The following PALM2AKAP2 variants were observed in gnomAD, a reference collection of about 807,000 sequenced individuals.
PALM2AKAP2 encodes PALM2 and AKAP2 fusion.
A neutral mutation model predicts 71.5 loss-of-function variants in PALM2AKAP2; 37 were observed. The observed-to-expected ratio is 0.52, with a 90% CI of 0.40 to 0.68. The LOEUF (loss-of-function observed/expected upper bound fraction) is 0.68. PALM2AKAP2 is among the 30% of genes least tolerant of loss of function. PALM2AKAP2 has a pLI of 0.00. For missense variants in PALM2AKAP2, 1,224 were observed against 1,191.8 expected, an observed-to-expected ratio of 1.03 and a Z score of -0.40; for synonymous variants, 468 against 478.8, an observed-to-expected ratio of 0.98 and a Z score of 0.29.
intron 1 of PALM2AKAP2, among the ~76,000 whole-genome samples, chr9:109,724,670 C>A (rs1262707548): frequency 2.0e-5 from 3 of 152,170 alleles, no homozygotes; most frequent in African/African-American, 7.2e-5. Context: ...ATTTTATTCT[C>A]ATAAAACCCT....
intron 2 of PALM2AKAP2, 133 bp from the exon 3 acceptor site, chr9:109,880,418 T>C (rs933664402): frequency 1.8e-5 from 24 of 1,319,800 alleles, no homozygotes; most frequent in Non-Finnish European, 2.4e-5. Flanking sequence ...GGAGCCATGT[T>C]AGTGAGGAGG....
intron 1 of PALM2AKAP2, among the ~76,000 whole-genome samples, chr9:109,711,666 A>G (rs1054523223): frequency 3.7e-4 from 56 of 152,340 alleles, no homozygotes; most frequent in African/African-American, 1.3e-3. Context: ...CAGGAGAGAG[A>G]AAAGGTGGCA....
At chr9:109,686,601 C>A (rs1352252092) in intron 1 of PALM2AKAP2, among the ~76,000 whole-genome samples, 4 of 151,460 alleles carry the variant, frequency 2.6e-5, no homozygotes, top group Admixed American at 2.6e-4. Context: ...GCCATCCAGG[C>A]TTTGTTGTTC....
intron 1 of PALM2AKAP2, among the ~76,000 whole-genome samples, chr9:109,817,862 T>C (rs895483535): frequency 2.0e-5 from 3 of 152,226 alleles, no homozygotes; most frequent in African/African-American, 7.2e-5. Flanking sequence ...TGTTGAAATA[T>C]CAGTTCACTC....
intron 1 of PALM2AKAP2, among the ~76,000 whole-genome samples, chr9:109,651,831 C>T (rs1010348712): frequency 6.6e-6 from 1 of 152,082 alleles, no homozygotes; most frequent in African/African-American, 2.4e-5. Context: ...AGAGGGAAGA[C>T]CAATCTCAGT....
At chr9:109,940,374 A>T (rs2132033970) in intron 6 of PALM2AKAP2, among the ~76,000 whole-genome samples, 1 of 152,332 alleles carries the variant, frequency 6.6e-6, no homozygotes, top group East Asian at 1.9e-4. Context: ...GGATCAAAGA[A>T]AGCTTATGGA....
chr9:109,752,041 A>G (rs545226922), intron 1 of PALM2AKAP2, among the ~76,000 whole-genome samples: 2 of 152,242 alleles, frequency 1.3e-5, no homozygotes, highest in South Asian at 4.1e-4. Context: ...CCTTTCATGT[A>G]TTCATTTGTT....
intron 7 of PALM2AKAP2, among the ~76,000 whole-genome samples, chr9:110,023,292 C>T (rs1364116575): frequency 2.9e-5 from 4 of 136,456 alleles, no homozygotes; most frequent in Admixed American, 1.5e-4. Context: ...GAGATGGTAT[C>T]TCATTGTGGT....
chr9:109,796,955 G>A (rs895459329), intron 1 of PALM2AKAP2, among the ~76,000 whole-genome samples: 1 of 152,162 alleles, frequency 6.6e-6, no homozygotes, highest in Non-Finnish European at 1.5e-5. Flanking sequence ...ACTGAAGGCG[G>A]TGCTAAATGT....
At chr9:109,657,599 T>C (rs940468248) in intron 1 of PALM2AKAP2, among the ~76,000 whole-genome samples, 3 of 152,030 alleles carry the variant, frequency 2.0e-5, no homozygotes, top group Non-Finnish European at 2.9e-5. Context: ...CCATACTGTG[T>C]AAACACATTT....
At chr9:110,081,674 C>G (rs1261842842) in intron 1 of PALM2AKAP2, among the ~76,000 whole-genome samples, 1 of 152,128 alleles carries the variant, frequency 6.6e-6, no homozygotes, top group African/African-American at 2.4e-5. Context: ...GCCACCAGGC[C>G]TCATGCTCCA....
chr9:109,833,828 C>A (rs993766063), intron 1 of PALM2AKAP2, among the ~76,000 whole-genome samples: 1 of 152,190 alleles, frequency 6.6e-6, no homozygotes, highest in Non-Finnish European at 1.5e-5. Context: ...AAGTTGAGAG[C>A]CTCTGTCCGG....
chr9:110,025,255 T>G (rs1833154759), intron 7 of PALM2AKAP2: 1 of 1,152,844 alleles, frequency 8.7e-7, no homozygotes, highest in African/African-American at 1.5e-5. Context: ...ATCACCTTTC[T>G]TATAGATTCG....
intron 1 of PALM2AKAP2, among the ~76,000 whole-genome samples, chr9:109,768,035 A>AGGGAGGAGGGAGC (rs1564140546): frequency 3.9e-5 from 4 of 102,954 alleles, no homozygotes; most frequent in Non-Finnish European, 5.4e-5. Context: ...GAAGGAAAGA[A>AGGGAGGAGGGAGC]AAAGAGGGAA....
intron 3 of PALM2AKAP2, among the ~76,000 whole-genome samples, chr9:109,910,663 G>A (rs989302946): frequency 2.0e-5 from 3 of 152,210 alleles, no homozygotes; most frequent in African/African-American, 7.2e-5. Context: ...TTGACTAGGA[G>A]CAGACGCAGC....
chr9:109,690,436 C>T (rs1827866048), intron 1 of PALM2AKAP2, among the ~76,000 whole-genome samples: 1 of 152,154 alleles, frequency 6.6e-6, no homozygotes, highest in Non-Finnish European at 1.5e-5. Flanking sequence ...GTTCTCTGCT[C>T]CAAATTTATG....
intron 1 of PALM2AKAP2, among the ~76,000 whole-genome samples, chr9:109,794,110 A>AG (rs1827186096): frequency 6.6e-6 from 1 of 152,160 alleles, no homozygotes; most frequent in African/African-American, 2.4e-5. Context: ...CAGAACAATA[A>AG]AGCATCTCAG....
intron 1 of PALM2AKAP2, among the ~76,000 whole-genome samples, chr9:109,698,750 T>G (rs1008342916): frequency 6.6e-6 from 1 of 152,182 alleles, no homozygotes; most frequent in Non-Finnish European, 1.5e-5. Context: ...GTCATTTATT[T>G]GTTCACGTGT....
chr9:110,154,591 C>T (rs1259522361), intron 2 of PALM2AKAP2, among the ~76,000 whole-genome samples: 3 of 152,014 alleles, frequency 2.0e-5, no homozygotes, highest in African/African-American at 2.4e-5. Flanking sequence ...CCCTAATTTC[C>T]GTAATAAAAA....
Sources: gnomAD v4.1 joint callset for allele counts (sites outside exome capture counted in the v4.1 genomes callset) on GRCh38, gnomAD v4.1.1 for gene constraint, MANE v1.5 for transcripts, NCBI Gene and HGNC (gene_info 2026-07-23, HGNC 2026-07-21) for gene names.